The following DOCK1 variants were observed in gnomAD, a reference collection of about 807,000 sequenced individuals.
The protein encoded by DOCK1 is dedicator of cytokinesis protein 1.
A neutral mutation model predicts 262.7 loss-of-function variants in DOCK1; 138 were observed. The ratio of observed to expected loss-of-function variants is 0.53; its 90% CI spans 0.46 to 0.61. The LOEUF is 0.61. Ranked by LOEUF, DOCK1 falls within the 20% of genes least tolerant of loss-of-function variation. The pLI is 0.00. For synonymous variants in DOCK1, 866 were observed against 867.4 expected (o/e 1.00, Z 0.03); for missense variants, 1,908 against 2,370.7 (o/e 0.80, Z 4.05).
rs972944415 is a variant in DOCK1 at position 126,932,754 on chromosome 10, C to G, written c.46+27191C>G. On this transcript the variant is annotated intron_variant, in intron 1 of 51. Coordinates refer to ENST00000623213, the MANE Select transcript of DOCK1 (RefSeq NM_001290223.2). The stretch of plus-strand genomic sequence containing the variant: ...GGGCGCACTGGGCCACTGGCTGATG[C>G]ACAGGGCACAGGCGACTGCAGAATA... 2.0e-3 allele frequency among the ~76,000 whole-genome samples: 309 copies of G among 152,218 alleles called. 2 individuals carry two copies. The highest frequency in any genetic ancestry group is 7.0e-3 in the African/African-American group (290 of 41,552).
intron 29 of DOCK1, among the ~76,000 whole-genome samples, chr10:127,265,497 T>G (rs1185704154): frequency 6.6e-6 from 1 of 152,188 alleles, no homozygotes; most frequent in Non-Finnish European, 1.5e-5. Context: ...GACAACCACC[T>G]TGGCTCATTT....
At position 127,343,668 on chromosome 10, in the gene DOCK1, T is replaced by G; in HGVS notation, c.3146T>G (p.Leu1049Arg). 4 of 1,610,984 alleles carry G rather than the reference T, an allele frequency of 2.5e-6. No homozygotes were observed. The highest frequency in any genetic ancestry group is 3.4e-6 in the Non-Finnish European group (4 of 1,178,722). ...ELQLWNNYFH[L>R]AVAFLTQESL... ...CAGCTGTGGAACAACTACTTTCACC[T>G]GGCTGTTGCTTTCCTTACTCAAGAG... The change falls in exon 31 of 52, where the codon CTG (leucine) becomes CGG (arginine). Residue 1049 changes from leucine to arginine, a missense_variant. By Grantham distance (102) the Leu-to-Arg change is moderately radical. This residue lies in a region of DOCK1 where 518 missense variants were observed against 575.1 expected (regional missense o/e 0.90). Transcript: ENST00000623213.
chr10:127,036,918 A>G (rs2043661676), intron 18 of DOCK1, among the ~76,000 whole-genome samples: 1 of 148,264 alleles, frequency 6.7e-6, no homozygotes. Context: ...CGGAGGTTGC[A>G]GTGAGCTGAG....
intron 22 of DOCK1, among the ~76,000 whole-genome samples, chr10:127,055,619 C>G (rs1469407361): frequency 6.6e-6 from 1 of 152,212 alleles, no homozygotes. Flanking sequence ...ATACCTTCAA[C>G]CCAGATGGTC....
chr10:127,291,534 G>A (rs964164162), intron 29 of DOCK1, among the ~76,000 whole-genome samples: 5 of 152,318 alleles, frequency 3.3e-5, no homozygotes, highest in South Asian at 2.1e-4. Context: ...TGTTGGGAGC[G>A]CCAGCTTTGG....
intron 23 of DOCK1, among the ~76,000 whole-genome samples, chr10:127,084,523 C>T (rs1376896584): frequency 1.3e-5 from 2 of 152,146 alleles, no homozygotes; most frequent in African/African-American, 4.8e-5. Flanking sequence ...GTATTCTGTC[C>T]AACAAGGCAC....
At chr10:127,112,519 C>T (rs2048930466) in intron 25 of DOCK1, among the ~76,000 whole-genome samples, 1 of 152,114 alleles carries the variant, frequency 6.6e-6, no homozygotes, top group Non-Finnish European at 1.5e-5. Context: ...TGGAAGTATG[C>T]AGGATGTGAA....
chr10:127,063,666 C>T (rs370599784), intron 23 of DOCK1, among the ~76,000 whole-genome samples: 6 of 152,054 alleles, frequency 3.9e-5, no homozygotes, highest in Non-Finnish European at 7.4e-5. Flanking sequence ...GAAAAACAGA[C>T]GTGTGTAGTG....
intron 29 of DOCK1, among the ~76,000 whole-genome samples, chr10:127,313,525 A>G (rs1302631781): frequency 5.9e-5 from 9 of 152,140 alleles, no homozygotes; most frequent in African/African-American, 2.2e-4. Flanking sequence ...TCAATCAATG[A>G]GCTGATTTCT....
intron 37 of DOCK1, among the ~76,000 whole-genome samples, chr10:127,382,217 G>A (rs548315111): frequency 2.6e-5 from 4 of 152,176 alleles, no homozygotes; most frequent in Non-Finnish European, 5.9e-5. Context: ...AACCAAAAAT[G>A]TAATGAAAGA....
chr10:127,362,951 ACATGTG>A (rs1565027094), intron 33 of DOCK1, among the ~76,000 whole-genome samples: 9 of 107,666 alleles, frequency 8.4e-5, no homozygotes, highest in African/African-American at 1.1e-4. Flanking sequence ...ACACACATAC[ACATGTG>A]CATCCCCACA....
intron 29 of DOCK1, among the ~76,000 whole-genome samples, chr10:127,336,880 A>T (rs906747052): frequency 6.6e-6 from 1 of 152,116 alleles, no homozygotes; most frequent in Admixed American, 6.5e-5. Context: ...TCTTTATTTA[A>T]CTAGCTGCAG....
chr10:127,139,456 C>A (rs1020220454), intron 27 of DOCK1, among the ~76,000 whole-genome samples: 1 of 151,946 alleles, frequency 6.6e-6, no homozygotes, highest in Non-Finnish European at 1.5e-5. Flanking sequence ...AACAAGTTAT[C>A]CTTTTCCCTT....
At position 127,447,461 on chromosome 10, in the gene DOCK1, C is replaced by G; in HGVS notation, c.5481C>G (p.Gly1827=). ...ADVPPPLPLK[G]SVADYGNLME... Reference sequence around the variant, plus strand: ...TCCCACCCCCTCTGCCTCTCAAAGGCAGCGTGGCAGATTACGGGAATTTGA... The same window carrying G: ...TCCCACCCCCTCTGCCTCTCAAAGGGAGCGTGGCAGATTACGGGAATTTGA... Residue 1827 remains glycine (G), a synonymous_variant, in exon 51 of 52, where the codon GGC becomes GGG. Coordinates refer to ENST00000623213, the MANE Select transcript of DOCK1 (RefSeq NM_001290223.2). 2 of 1,613,698 alleles carry G rather than the reference C, an allele frequency of 1.2e-6. No individual in the cohort carries two copies. Among genetic ancestry groups the G allele is most frequent in the Non-Finnish European group, 1.7e-6 (2 of 1,179,772 alleles).
chr10:127,016,154 A>T lies in DOCK1; in HGVS notation c.1202-2556A>T, dbSNP rs117068496. The T allele has an allele frequency of 7.2e-3, 1,092 of 152,408 alleles. 8 individuals are homozygous for T. The highest frequency in any genetic ancestry group is 0.012 in the Non-Finnish European group (818 of 68,084). 9.4% of individuals were successfully genotyped at this position (152,408 alleles called of 1,614,324 possible). On this transcript the variant is annotated intron_variant, in intron 12 of 51. Coordinates refer to ENST00000623213, the MANE Select transcript of DOCK1 (RefSeq NM_001290223.2). ...TGGCAATGGAAGCTAAACACCTGTC[A>T]GGGGAGGTCGTGAGGGTCTGCCCTA... is the stretch of plus-strand genomic sequence containing the variant.
chr10:127,345,982 G>A (rs1193167088), intron 31 of DOCK1, among the ~76,000 whole-genome samples: 4 of 152,200 alleles, frequency 2.6e-5, no homozygotes, highest in African/African-American at 9.6e-5. Flanking sequence ...AATCCACCAG[G>A]TGCGGACACA....
intron 29 of DOCK1, among the ~76,000 whole-genome samples, chr10:127,278,791 TG>T (rs1303314447): frequency 2.6e-5 from 4 of 152,230 alleles, no homozygotes; most frequent in Non-Finnish European, 5.9e-5. Context: ...CTCTCAGCAA[TG>T]TTTATCAAAT....
chr10:127,162,444 A>G (rs547593180), intron 27 of DOCK1, among the ~76,000 whole-genome samples: 5 of 152,344 alleles, frequency 3.3e-5, no homozygotes, highest in African/African-American at 1.2e-4. Flanking sequence ...CTACCCTGGC[A>G]ACCTCAACAC....
intron 1 of DOCK1, among the ~76,000 whole-genome samples, chr10:126,964,303 C>T (rs1195277191): frequency 6.6e-6 from 1 of 152,196 alleles, no homozygotes; most frequent in Non-Finnish European, 1.5e-5. Context: ...TCTGGCTTAT[C>T]TCCTCTCTCC....
Sources: gnomAD v4.1 joint callset for allele counts (sites outside exome capture counted in the v4.1 genomes callset) on GRCh38, gnomAD v4.1.1 for gene constraint, gnomAD v4.1.1 regional missense constraint, MANE v1.5 for transcripts, NCBI Gene and HGNC (gene_info 2026-07-23, HGNC 2026-07-21) for gene names.